Variants in FAM153A observed in about 807,000 individuals in gnomAD.
FAM153A encodes protein FAM153A.
In FAM153A, 12 loss-of-function variants were observed where a neutral mutation model predicts 48.1. The ratio of observed to expected loss-of-function variants is 0.25; its 90% CI spans 0.16 to 0.40. The LOEUF is 0.40. FAM153A is among the 10% of genes least tolerant of loss of function. FAM153A has a pLI of 1.00. For missense variants in FAM153A, 111 were observed against 345.8 expected, an observed-to-expected ratio of 0.32 and a Z score of 5.38; for synonymous variants, 36 against 118.2, an observed-to-expected ratio of 0.30 and a Z score of 4.51.
the FAM153A span, among the ~76,000 whole-genome samples, chr5:177,701,129 C>T: frequency 2.0e-5 from 3 of 151,772 alleles, no homozygotes; most frequent in Non-Finnish European, 4.4e-5. Context: ...ACTCCTGCTC[C>T]CACCATGTGA....
upstream of FAM153A, among the ~76,000 whole-genome samples, chr5:177,781,874 A>G (rs1435042808): frequency 2.5e-5 from 2 of 81,606 alleles, no homozygotes; most frequent in Non-Finnish European, 2.5e-5. Context: ...GCCCGCCACC[A>G]CGCCCGGCTA....
downstream of FAM153A, among the ~76,000 whole-genome samples, chr5:177,707,797 G>A (rs1016278609): frequency 4.6e-5 from 7 of 151,752 alleles, no homozygotes; most frequent in Admixed American, 4.6e-4. Flanking sequence ...CTGACCTCAG[G>A]TGATCCACCC....
downstream of FAM153A, among the ~76,000 whole-genome samples, chr5:177,709,172 A>G (rs1217325328): frequency 7.2e-6 from 1 of 139,216 alleles, no homozygotes; most frequent in Non-Finnish European, 1.5e-5. Context: ...AGCATCTCAC[A>G]CCCAGGACAT....
chr5:177,700,573 T>G, the FAM153A span, among the ~76,000 whole-genome samples: 1 of 151,656 alleles, frequency 6.6e-6, no homozygotes, highest in East Asian at 1.9e-4. Flanking sequence ...GATGCTGAGG[T>G]AGGTGGATCA....
chr5:177,726,665 CATT>C (rs1443028373), intron 18 of FAM153A, among the ~76,000 whole-genome samples: 1 of 121,188 alleles, frequency 8.3e-6, no homozygotes, highest in East Asian at 2.5e-4. Flanking sequence ...GAGACACAAA[CATT>C]AGTACTACTG....
intron 1 of FAM153A, among the ~76,000 whole-genome samples, chr5:177,760,273 G>C (rs1387934775): frequency 1.3e-5 from 1 of 78,230 alleles, no homozygotes; most frequent in Non-Finnish European, 2.3e-5. Context: ...GTCTTGCTCT[G>C]TCGCCCAGGC....
exon 2 of FAM153A, chr5:177,750,932 T>C: frequency 7.3e-7 from 1 of 1,364,836 alleles, no homozygotes; most frequent in Non-Finnish European, 9.8e-7. Flanking sequence ...AATTCTAGGG[T>C]ATATATGGCC....
exon 27 of FAM153A, chr5:177,711,723 C>T (rs1030793703): frequency 5.3e-5 from 8 of 151,906 alleles, no homozygotes; most frequent in South Asian, 2.1e-4. Flanking sequence ...AAGATTTGAA[C>T]ATTAAACAAA....
At chr5:177,701,593 A>ATGAAAT in the FAM153A span, among the ~76,000 whole-genome samples, 1 of 150,504 alleles carries the variant, frequency 6.6e-6, no homozygotes, top group Non-Finnish European at 1.5e-5. Flanking sequence ...TAAAAAATAA[A>ATGAAAT]TAAAATTACC....
rs964846489 is a variant in FAM153A at position 177,747,481 on chromosome 5, C to T, written c.259+288G>A. 9 of 399,466 alleles carry T rather than the reference C, an allele frequency of 2.3e-5. 1 individual carries two copies. Among genetic ancestry groups the T allele is most frequent in the East Asian group, 1.2e-4 (2 of 16,378 alleles). 24.7% of individuals were successfully genotyped at this position (399,466 alleles called of 1,614,324 possible). A position where few individuals can be genotyped will look rare whatever the true frequency, so the allele number is the denominator to read the frequency against. Reference sequence around the variant, plus strand: ...TTTTCTGGGGAAAAGCACACAAACTCGCAGAGACATTCACAATCATTCCAC... The same window carrying T: ...TTTTCTGGGGAAAAGCACACAAACTTGCAGAGACATTCACAATCATTCCAC... On this transcript the variant is annotated intron_variant, in intron 4 of 20. Coordinates refer to ENST00000614127, the Ensembl canonical transcript of FAM153A.
chr5:177,760,234 CCTT>C (rs1162131011), intron 1 of FAM153A, among the ~76,000 whole-genome samples: 1 of 96,876 alleles, frequency 1.0e-5, no homozygotes, highest in South Asian at 3.6e-4. Context: ...TTGGGAAAGA[CCTT>C]TTTTTTTTTT....
intron 25 of FAM153A, among the ~76,000 whole-genome samples, chr5:177,716,107 C>T (rs1480867507): frequency 6.6e-6 from 1 of 151,500 alleles, no homozygotes; most frequent in Non-Finnish European, 1.5e-5. Context: ...CCTCAGCCTC[C>T]CGAGTAGCTG....
At chr5:177,706,889 A>G (rs1757926484), downstream of FAM153A, 1 of 151,984 alleles carries the variant, frequency 6.6e-6, no homozygotes, top group Non-Finnish European at 1.5e-5. Flanking sequence ...ACCAAAAGTG[A>G]GTATGTATAG....
At chr5:177,738,106 G>A (rs368125255) in intron 10 of FAM153A, among the ~76,000 whole-genome samples, 12 of 151,238 alleles carry the variant, frequency 7.9e-5, no homozygotes, top group East Asian at 1.9e-4. Flanking sequence ...AGGTGGGGGC[G>A]CTGAACCTCT....
intron 16 of FAM153A, among the ~76,000 whole-genome samples, chr5:177,730,738 G>A (rs893061597): frequency 1.4e-5 from 2 of 144,674 alleles, no homozygotes; most frequent in African/African-American, 5.2e-5. Context: ...TCATCCCCGA[G>A]TTCACATGTG....
intron 1 of FAM153A, among the ~76,000 whole-genome samples, chr5:177,759,610 T>C (rs942151726): frequency 6.6e-5 from 10 of 151,574 alleles, no homozygotes; most frequent in Admixed American, 2.0e-4. Flanking sequence ...GTGGCACATA[T>C]ACACCATGGA....
intron 25 of FAM153A, among the ~76,000 whole-genome samples, chr5:177,716,170 G>T (rs1299130077): frequency 6.6e-6 from 1 of 151,384 alleles, no homozygotes; most frequent in African/African-American, 2.4e-5. Context: ...TTTTAGTAGA[G>T]ATGGGGTTTC....
At chr5:177,779,328 G>GT (rs1769481838) in intron 1 of FAM153A, among the ~76,000 whole-genome samples, 1 of 127,658 alleles carries the variant, frequency 7.8e-6, no homozygotes, top group South Asian at 2.9e-4. Flanking sequence ...GCACATGTGT[G>GT]TATGTGCACG....
At chr5:177,754,743 C>T (rs931570512), upstream of FAM153A, among the ~76,000 whole-genome samples, 67 of 152,044 alleles carry the variant, frequency 4.4e-4, 2 homozygotes, top group African/African-American at 1.4e-3. Flanking sequence ...AGTGGACCTC[C>T]AGCAAACTCC....
Sources: gnomAD v4.1 joint callset for allele counts (sites outside exome capture counted in the v4.1 genomes callset) on GRCh38, gnomAD v4.1.1 for gene constraint, MANE v1.5 for transcripts, NCBI Gene and HGNC (gene_info 2026-07-23, HGNC 2026-07-21) for gene names.